The following DNAH1 variants were observed in gnomAD, a reference collection of about 807,000 sequenced individuals.
DNAH1 encodes dynein axonemal heavy chain 1, also known as axonemal beta dynein heavy chain 1.
Under a neutral mutation model 484.3 loss-of-function variants are expected in DNAH1, and 327 were observed. That is an observed-to-expected ratio of 0.68 (90% CI 0.62 to 0.74). The LOEUF is 0.74. Among genes scored for constraint, DNAH1 ranks in the 30% least tolerant of loss-of-function variants. The pLI, the probability that DNAH1 is intolerant of heterozygous loss-of-function variation, is 0.00. For missense variants in DNAH1, 5,052 were observed against 5,546.8 expected (o/e 0.91, Z 2.83); for synonymous variants, 2,192 against 2,191.9 (o/e 1.00, Z 0.00).
chr3:52,366,098 A>G (rs1371209482), intron 34 of DNAH1, among the ~76,000 whole-genome samples: 1 of 152,200 alleles, frequency 6.6e-6, no homozygotes, highest in East Asian at 1.9e-4. Context: ...GTTTGCTCAT[A>G]GGAGTCAGCA....
chr3:52,392,614 C>G lies in DNAH1; in HGVS notation c.10203C>G (p.Ser3401=). Residue 3401 remains serine (S), a synonymous_variant, in exon 64 of 78, where the codon TCC becomes TCG. Transcript: ENST00000420323. ...EDQILYRLSS[S]EGNPVDDMEL... is the part of the protein sequence containing the mutation. ...AGATCCTGTACCGGCTCAGCTCCTCCGAGGGCAACCCTGTAGATGACATGG... is the reference window on the plus strand; with the variant it reads ...AGATCCTGTACCGGCTCAGCTCCTCGGAGGGCAACCCTGTAGATGACATGG... 1 of 1,613,620 alleles carries G rather than the reference C, an allele frequency of 6.2e-7. No individual in the cohort carries two copies. Among genetic ancestry groups the G allele is most frequent in the Non-Finnish European group, 8.5e-7 (1 of 1,179,754 alleles).
chr3:52,393,329 C>A lies in DNAH1; in HGVS notation c.10475-5C>A. ...CCGCGCTGCCATCACTTCTCCACTC[C>A]ACAGACAACCTGAAGAAGCGCATCT... On this transcript the variant is annotated splice_polypyrimidine_tract_variant and splice_region_variant and intron_variant, in intron 65 of 77. Coordinates refer to ENST00000420323, the MANE Select transcript of DNAH1 (RefSeq NM_015512.5). The A allele has an allele frequency of 6.2e-7, 1 of 1,613,906 alleles. No individual in the cohort carries two copies. Among genetic ancestry groups the A allele is most frequent in the Non-Finnish European group, 8.5e-7 (1 of 1,179,796 alleles).
intron 71 of DNAH1, 28 bp downstream of exon 71, chr3:52,396,566 C>T (rs752944369): frequency 1.2e-6 from 2 of 1,611,780 alleles, no homozygotes; most frequent in Admixed American, 1.7e-5. Flanking sequence ...CAGGCCTACC[C>T]TACCTGCCCC....
At chr3:52,380,735 C>G (rs1390040108) in intron 48 of DNAH1, among the ~76,000 whole-genome samples, 1 of 152,198 alleles carries the variant, frequency 6.6e-6, no homozygotes, top group East Asian at 1.9e-4. Context: ...AGGTGAGCTC[C>G]CCGTCAGGGA....
chr3:52,395,931 C>G lies in DNAH1; in HGVS notation c.11259+253C>G, dbSNP rs1399557217. On this transcript the variant is annotated intron_variant, in intron 70 of 77. Transcript: ENST00000420323. The surrounding 1 kb of genome is among the most constrained non-coding windows in gnomAD (Gnocchi z 4.4). The stretch of plus-strand genomic sequence containing the variant: ...GCACAGACCGTGACCTGGGACTTGC[C>G]AAAGCCCTTTTTTTTTTTTTTTTTT... 6.6e-6 allele frequency among the ~76,000 whole-genome samples: 1 copy of G among 150,968 alleles called. No homozygotes were observed. The highest frequency in any genetic ancestry group is 1.9e-4 in the East Asian group (1 of 5,174).
At chr3:52,339,961 T>A (rs1701875259) in intron 8 of DNAH1, among the ~76,000 whole-genome samples, 1 of 152,164 alleles carries the variant, frequency 6.6e-6, no homozygotes, top group Non-Finnish European at 1.5e-5. Flanking sequence ...TCCTTCTGCC[T>A]CCTGTCCCAT....
At chr3:52,344,910 A>G (rs1264531987) in intron 9 of DNAH1, among the ~76,000 whole-genome samples, 3 of 152,220 alleles carry the variant, frequency 2.0e-5, no homozygotes, top group African/African-American at 7.2e-5. Context: ...CTAGGAAACA[A>G]TGCTTCAGCA....
rs201527318 is a variant in DNAH1 at position 52,353,503 on chromosome 3, A to G, written c.3350A>G (p.Gln1117Arg). 3.5e-4 allele frequency: 569 copies of G among 1,613,960 alleles called. 2 individuals are homozygous for G. In the African/African-American group the frequency reaches 6.5e-3, roughly 18 times the overall value. ...RIRHWETLSN[Q>R]ININVRPKAN... is the part of the protein sequence containing the mutation. ...CGGCACTGGGAGACACTGTCCAACC[A>G]GATCAACATCAATGTCAGGCCCAAG... The change falls in exon 20 of 78, where the codon CAG (glutamine) becomes CGG (arginine). Residue 1117 changes from glutamine to arginine, a missense_variant. By Grantham distance (43) the Gln-to-Arg change is conservative. Transcript: ENST00000420323. This position sits in a 1 kb window ranked among gnomAD's most constrained non-coding sequence, Gnocchi z 5.0.
intron 56 of DNAH1, 126 bp downstream of exon 56, chr3:52,386,979 C>A: frequency 9.7e-7 from 1 of 1,033,796 alleles, no homozygotes; most frequent in Non-Finnish European, 1.4e-6. Flanking sequence ...TGTCCTGTCT[C>A]TCTCTGTCCA....
chr3:52,350,584 A>G lies in DNAH1; in HGVS notation c.2723A>G (p.Asn908Ser), dbSNP rs1174055218. 14 of 1,613,574 alleles carry G rather than the reference A, an allele frequency of 8.7e-6. No individual in the cohort carries two copies. The highest frequency in any genetic ancestry group is 1.1e-5 in the Non-Finnish European group (13 of 1,179,766). Residue 908 changes from asparagine to serine, a missense_variant, in exon 16 of 78, where the codon AAT becomes AGT. Coordinates refer to ENST00000420323, the MANE Select transcript of DNAH1 (RefSeq NM_015512.5). The stretch of plus-strand genomic sequence containing the variant: ...TACAACCTCAGCTCAGATGACTTCA[A>G]TGACAAGTGAGTGGGAGCTTGGCCC... ...FLYNLSSDDF[N>S]DKWIASNWPS...
In DNAH1 at chr3:52,393,364, A is replaced by G. The variant is rs766390523; in HGVS notation, c.10505A>G (p.Asn3502Ser). 4.3e-6 allele frequency: 7 copies of G among 1,613,664 alleles called. No homozygotes were observed. Among genetic ancestry groups the G allele is most frequent in the East Asian group, 4.5e-5 (2 of 44,852 alleles). The change falls in exon 66 of 78, where the codon AAC becomes AGC. Residue 3502 changes from asparagine to serine, a missense_variant. Asn to Ser is a conservative substitution (Grantham distance 46, BLOSUM62 1). Coordinates refer to ENST00000420323, the MANE Select transcript of DNAH1 (RefSeq NM_015512.5). ...DNLKKRISNI[N>S]RYLTYSLYSN... ...CTGAAGAAGCGCATCTCCAACATCAACCGCTACCTGACCTACAGCCTCTAC... is the reference window on the plus strand; with the variant it reads ...CTGAAGAAGCGCATCTCCAACATCAGCCGCTACCTGACCTACAGCCTCTAC...
intron 5 of DNAH1, 21 bp from the exon 6 acceptor site, chr3:52,327,859 AAT>A (rs751946088): frequency 3.1e-6 from 5 of 1,610,610 alleles, no homozygotes; most frequent in Non-Finnish European, 4.2e-6. Context: ...GCTTCTTCCC[AAT>A]GTTGGCCTGC....
At chr3:52,359,651 T>C (rs1702772166) in intron 26 of DNAH1, among the ~76,000 whole-genome samples, 1 of 152,204 alleles carries the variant, frequency 6.6e-6, no homozygotes, top group Admixed American at 6.5e-5. Context: ...CCCCTTGCCC[T>C]GTGCTCCAGT....
At chr3:52,348,781 T>C in intron 12 of DNAH1, 107 bp from the exon 13 acceptor site, 1 of 1,257,372 alleles carries the variant, frequency 8.0e-7, no homozygotes, top group East Asian at 2.3e-5. Context: ...TCAGGCCACA[T>C]CCTGCCCCTG....
rs570416427 is a variant in DNAH1 at position 52,353,244 on chromosome 3, G to A, written c.3169G>A (p.Val1057Met). 16 of 1,614,018 alleles carry A rather than the reference G, an allele frequency of 9.9e-6. No homozygotes were observed. The highest frequency in any genetic ancestry group is 1.6e-4 in the Middle Eastern group (1 of 6,062). The change falls in exon 19 of 78, where the codon GTG becomes ATG. Residue 1057 changes from valine to methionine, a missense_variant. Physicochemically the swap from Val to Met is conservative, Grantham distance 21 (BLOSUM62 1). Around this residue, in one of 4 missense-constraint regions of DNAH1, gnomAD observed 2,929 missense variants for 3,409.4 expected, o/e 0.86. Coordinates refer to ENST00000420323, the MANE Select transcript of DNAH1 (RefSeq NM_015512.5). This position sits in a 1 kb window ranked among gnomAD's most constrained non-coding sequence, Gnocchi z 5.0. ...AIDAEQLEKN[V>M]VEAFKTMHKC... ...CGATGCTGAGCAGCTGGAGAAGAAC[G>A]TGGTTGAAGCCTTCAAGACCATGCA...
chr3:52,386,914 A>G (rs1263698929), intron 56 of DNAH1, 61 bp downstream of exon 56: 10 of 1,466,456 alleles, frequency 6.8e-6, no homozygotes, highest in African/African-American at 1.4e-5. Flanking sequence ...CCGGCAGGAC[A>G]GTGAAGCTGG....
chr3:52,352,629 GA>G lies in DNAH1; in HGVS notation c.2951del (p.Lys984SerfsTer3), dbSNP rs753307279. 3.1e-6 allele frequency: 5 copies of G among 1,612,642 alleles called. No homozygotes were observed. The highest frequency in any genetic ancestry group is 1.7e-5 in the Admixed American group (1 of 59,728). ...EIANEVRRVKKQLKDCQQLAM... is the reference protein window; with the variant it reads ...EIANEVRRVKXQLKDCQQLAM... ...TCGCCAACGAGGTGCGGCGTGTCAA[GA>G]AGCAGCTGAAGGACTGCCAGCAGCT... On this transcript the variant is annotated frameshift_variant, in exon 18 of 78. Transcript: ENST00000420323. LOFTEE classifies it high-confidence loss of function.
chr3:52,373,563 C>T, intron 44 of DNAH1: 2 of 1,482,960 alleles, frequency 1.3e-6, no homozygotes, highest in East Asian at 4.5e-5. Flanking sequence ...ACCCGTCTCT[C>T]AGCCCATAGT....
chr3:52,344,726 G>C, intron 9 of DNAH1, 79 bp downstream of exon 9: 1 of 1,474,362 alleles, frequency 6.8e-7, no homozygotes, highest in Non-Finnish European at 9.1e-7. Context: ...CTCCAGGATT[G>C]TCTGCCCTGC....
Sources: gnomAD v4.1 joint callset for allele counts (sites outside exome capture counted in the v4.1 genomes callset) on GRCh38, gnomAD v4.1.1 for gene constraint, gnomAD v4.1.1 regional missense constraint, Gnocchi (gnomAD v3.1) non-coding constraint, MANE v1.5 for transcripts, NCBI Gene and HGNC (gene_info 2026-07-23, HGNC 2026-07-21) for gene names.